Variants in YBEY observed in about 807,000 individuals in gnomAD.
The protein encoded by YBEY is ybeY metalloendoribonuclease, also known as endoribonuclease YbeY.
Under a neutral mutation model 13.5 loss-of-function variants are expected in YBEY, and 15 were observed. That is an observed-to-expected ratio of 1.11 (90% CI 0.75 to 1.72). YBEY has a LOEUF of 1.72. YBEY is among the 40% of genes most tolerant of loss of function. The probability of loss-of-function intolerance (pLI) is 0.00; values close to 1 mark genes in which losing one functional copy is unlikely to be tolerated. For missense variants in YBEY, 244 were observed against 208.4 expected (o/e 1.17, Z -1.05); for synonymous variants, 101 against 83.1 (o/e 1.21, Z -1.17).
the YBEY span, among the ~76,000 whole-genome samples, chr21:46,304,489 GA>G: frequency 1.4e-4 from 19 of 137,154 alleles, no homozygotes; most frequent in African/African-American, 3.5e-4. Context: ...CTGTCTCTTA[GA>G]AAAAAAAAAA....
intron 3 of YBEY, chr21:46,291,777 G>A (rs1490440387): frequency 9.1e-7 from 1 of 1,097,660 alleles, no homozygotes; most frequent in South Asian, 2.7e-5. Flanking sequence ...TTTCTGAGCT[G>A]CCAGAAGTAC....
intron 2 of YBEY, among the ~76,000 whole-genome samples, chr21:46,287,949 T>G (rs1414244348): frequency 6.6e-6 from 1 of 150,942 alleles, no homozygotes; most frequent in African/African-American, 2.4e-5. Context: ...GAGATGGAGG[T>G]TGCAGTGAGC....
chr21:46,301,705 G>A (rs558400929), downstream of YBEY: 30 of 1,168,736 alleles, frequency 2.6e-5, no homozygotes, highest in Admixed American at 4.7e-4. Context: ...CAGGTGGGCC[G>A]GCGCCGCCCT....
chr21:46,311,932 C>A, the YBEY span, among the ~76,000 whole-genome samples: 1 of 150,034 alleles, frequency 6.7e-6, no homozygotes, highest in Non-Finnish European at 1.5e-5. Flanking sequence ...TCCATCCAAC[C>A]AACCAACCAT....
At chr21:46,296,824 G>C (rs1031433168) in intron 4 of YBEY, among the ~76,000 whole-genome samples, 1 of 151,660 alleles carries the variant, frequency 6.6e-6, no homozygotes, top group African/African-American at 2.4e-5. Context: ...GAGAAACCCT[G>C]TCTCTACTAA....
At chr21:46,286,696 C>T in intron 1 of YBEY, 174 bp from the exon 2 acceptor site, 1 of 447,516 alleles carries the variant, frequency 2.2e-6, no homozygotes, top group Non-Finnish European at 3.9e-6. Context: ...CCGGATTCCG[C>T]GGCATCCTTC....
At chr21:46,301,789 G>A (rs767795510), downstream of YBEY, 1,129 of 1,239,300 alleles carry the variant, frequency 9.1e-4, no homozygotes, top group Non-Finnish European at 1.1e-3. Flanking sequence ...CAGGGGACCC[G>A]GAGCAAGGGA....
chr21:46,300,928 T>C (rs771657345), downstream of YBEY: 263 of 824,172 alleles, frequency 3.2e-4, 1 homozygote, highest in Non-Finnish European at 4.1e-4. Flanking sequence ...CAAGGTAGCC[T>C]GTCCACATGG....
downstream of YBEY, chr21:46,301,686 T>C: frequency 8.7e-7 from 1 of 1,149,316 alleles, no homozygotes; most frequent in Non-Finnish European, 1.1e-6. Context: ...GAGGGGGATC[T>C]GAGGCTCCCA....
At chr21:46,309,894 G>A in the YBEY span, among the ~76,000 whole-genome samples, 1 of 152,122 alleles carries the variant, frequency 6.6e-6, no homozygotes, top group African/African-American at 2.4e-5. Context: ...CTACTCCAGA[G>A]GCTGAGGCAG....
chr21:46,297,790 G>A, downstream of YBEY: 2 of 1,225,776 alleles, frequency 1.6e-6, no homozygotes, highest in South Asian at 4.2e-5. Context: ...AAATAAAACG[G>A]TTCCGAGCCG....
Position 46,297,574 on chromosome 21 carries a change from G to A in YBEY, c.444G>A (p.Leu148=). 5.0e-6 allele frequency: 7 copies of A among 1,394,672 alleles called. No individual in the cohort carries two copies. The highest frequency in any genetic ancestry group is 1.9e-4 in the Middle Eastern group (1 of 5,336). The allele number at this position is 1,394,672 out of a possible 1,614,324, so 86.4% of individuals were successfully genotyped here. A position where few individuals can be genotyped will look rare whatever the true frequency, so the allele number is the denominator to read the frequency against. Residue 148 remains leucine (L), a synonymous_variant, in exon 5 of 5, where the codon CTG becomes CTA. Transcript: ENST00000397701. ...AGGAGAAGGCGGTGCTGGACGAGCT[G>A]GGCCGACGCACGGGGACCCGGCTGC... ...FQKEKAVLDE[L]GRRTGTRLQP... is the part of the protein sequence containing the mutation.
chr21:46,298,480 G>C (rs1418329973), downstream of YBEY, among the ~76,000 whole-genome samples: 1 of 113,666 alleles, frequency 8.8e-6, no homozygotes, highest in African/African-American at 3.1e-5. Flanking sequence ...CCAGGCTGGA[G>C]TGCAGTGGTG....
rs1342657762 is a variant in YBEY, at chr21:46,286,950, C to G, written c.37C>G (p.Pro13Ala). 6.2e-7 allele frequency: 1 copy of G among 1,613,952 alleles called. No individual in the cohort carries two copies. Among genetic ancestry groups the G allele is most frequent in the South Asian group, 1.1e-5 (1 of 91,040 alleles). ...GATTAGAAATCTGCAGCGAGTCATC[C>G]CCATCAGGAGAGCGCCACTTCGCAG... Reference protein sequence around the residue: ...LVIRNLQRVIPIRRAPLRSKI... With the variant: ...LVIRNLQRVIAIRRAPLRSKI... The change falls in exon 2 of 5, where the codon CCC becomes GCC. Residue 13 changes from proline (P) to alanine (A), a missense_variant. Transcript: ENST00000397701.
chr21:46,293,207 A>G (rs1470695988), intron 3 of YBEY, among the ~76,000 whole-genome samples: 5 of 90,050 alleles, frequency 5.6e-5, no homozygotes, highest in African/African-American at 1.8e-4. Flanking sequence ...CCCGGGACTC[A>G]GTGGGGACAG....
At chr21:46,310,547 G>A in the YBEY span, among the ~76,000 whole-genome samples, 1 of 150,440 alleles carries the variant, frequency 6.6e-6, no homozygotes, top group African/African-American at 2.5e-5. Context: ...AGTGGCAAAC[G>A]CCTATAATCC....
downstream of YBEY, chr21:46,302,387 A>C: frequency 9.0e-7 from 1 of 1,109,600 alleles, no homozygotes; most frequent in Admixed American, 2.3e-5. Flanking sequence ...TGAGCCAGGA[A>C]TGCCCTTTCA....
chr21:46,302,940 G>T, the YBEY span, among the ~76,000 whole-genome samples: 1 of 145,020 alleles, frequency 6.9e-6, no homozygotes, highest in South Asian at 2.2e-4. Context: ...GGGTCCCCGG[G>T]GCGCGCCCTG....
downstream of YBEY, among the ~76,000 whole-genome samples, chr21:46,298,627 C>T (rs1240009477): frequency 6.6e-6 from 1 of 151,476 alleles, no homozygotes; most frequent in Non-Finnish European, 1.5e-5. Context: ...GACGGGGTTT[C>T]ACTGTGTTAG....
Sources: allele counts gnomAD v4.1 joint callset (sites outside exome capture counted in the v4.1 genomes callset), GRCh38; gene constraint gnomAD v4.1.1; transcripts MANE v1.5; gene names NCBI Gene and HGNC (gene_info 2026-07-23, HGNC 2026-07-21).